GTPBP1: variants seen among roughly 807,000 people sequenced by gnomAD.
GTPBP1 encodes GTP binding protein 1, also known as GTP-binding protein 1.
GTPBP1 carries 23 observed loss-of-function variants against 62.0 expected under a neutral mutation model. The observed-to-expected ratio is 0.37, with a 90% confidence interval of 0.27 to 0.53. The LOEUF (loss-of-function observed/expected upper bound fraction) is 0.53, where lower values mean the gene tolerates loss of function less well. Among genes scored for constraint, GTPBP1 ranks in the 20% least tolerant of loss-of-function variants. The pLI, the probability that GTPBP1 is intolerant of heterozygous loss-of-function variation, is 0.89. For missense variants in GTPBP1, 640 were observed against 917.3 expected (o/e 0.70, Z 3.90); for synonymous variants, 344 against 364.4 (o/e 0.94, Z 0.64).
In GTPBP1 at chr22:38,728,171, G is replaced by C. The variant is rs2092736886; in HGVS notation, c.1716+10G>C. The C allele has an allele frequency of 1.9e-6, 3 of 1,605,498 alleles. No individual in the cohort carries two copies. On this transcript the variant is annotated intron_variant, in intron 10 of 11. Transcript: ENST00000216044. Reference sequence around the variant, plus strand: ...CGGCACCATCACCAAGGTATGGCCAGGACAGACCTTGCCTGCCTCCAGGAA... The same window carrying C: ...CGGCACCATCACCAAGGTATGGCCACGACAGACCTTGCCTGCCTCCAGGAA...
chr22:38,718,435 A>G (rs1301190811), intron 4 of GTPBP1, among the ~76,000 whole-genome samples: 12 of 152,360 alleles, frequency 7.9e-5, no homozygotes, highest in Non-Finnish European at 1.8e-4. Flanking sequence ...ATATTTCATT[A>G]TAGTCCCATG....
At chr22:38,736,464 G>C, downstream of GTPBP1, 2 of 1,157,002 alleles carry the variant, frequency 1.7e-6, no homozygotes, top group Non-Finnish European at 2.4e-6. Flanking sequence ...AGACAGCCTC[G>C]CCTAGGGCCA....
In GTPBP1 at chr22:38,705,979, C is replaced by T. The variant is rs1352189538; in HGVS notation, c.24C>T (p.Ser8=). 3 of 1,447,958 alleles carry T rather than the reference C, an allele frequency of 2.1e-6. No homozygotes were observed. The highest frequency in any genetic ancestry group is 1.5e-5 in the African/African-American group (1 of 68,078). The allele number at this position is 1,447,958 out of a possible 1,614,324, so 89.7% of individuals were successfully genotyped here. A position where few individuals can be genotyped will look rare whatever the true frequency, so the allele number is the denominator to read the frequency against. MATERSR[S]AMDSPVPASM... is the part of the protein sequence containing the mutation. Reference sequence around the variant, plus strand: ...AGATGGCGACGGAGCGCAGTCGCTCCGCGATGGACTCGCCGGTCCCGGCCT... The same window carrying T: ...AGATGGCGACGGAGCGCAGTCGCTCTGCGATGGACTCGCCGGTCCCGGCCT... The change falls in exon 1 of 12, where the codon TCC becomes TCT. Residue 8 remains serine (S), a synonymous_variant. Transcript: ENST00000216044.
downstream of GTPBP1, chr22:38,737,719 C>T (rs931596960): frequency 1.1e-5 from 4 of 362,058 alleles, no homozygotes; most frequent in African/African-American, 8.5e-5. This position sits in a 1 kb window ranked among gnomAD's most constrained non-coding sequence, Gnocchi z 4.1. Context: ...CCCTAAGGAA[C>T]CAGACTCTCC....
downstream of GTPBP1, chr22:38,740,264 C>CA: frequency 1.3e-6 from 2 of 1,569,730 alleles, no homozygotes; most frequent in Non-Finnish European, 1.7e-6. The surrounding 1 kb of genome is among the most constrained non-coding windows in gnomAD (Gnocchi z 4.8). Flanking sequence ...GGTTCCCACT[C>CA]ACGTCGTCCC....
chr22:38,712,723 G>T (rs564711726), intron 2 of GTPBP1, among the ~76,000 whole-genome samples: 1 of 152,240 alleles, frequency 6.6e-6, no homozygotes, highest in East Asian at 1.9e-4. Context: ...ACAAGGTGAC[G>T]TTGGTGATAG....
At chr22:38,723,180 G>A (rs1384091088) in intron 5 of GTPBP1, 4 of 867,290 alleles carry the variant, frequency 4.6e-6, no homozygotes, top group Non-Finnish European at 7.9e-6. Context: ...GTTTCTGTAG[G>A]ACCACGAAGG....
chr22:38,717,149 G>A (rs1391324415), intron 4 of GTPBP1, 149 bp downstream of exon 4: 3 of 605,410 alleles, frequency 5.0e-6, no homozygotes, highest in Non-Finnish European at 8.8e-6. Flanking sequence ...GGGGTGCCCA[G>A]TCCTCTGAGT....
At position 38,727,191 on chromosome 22, in the gene GTPBP1, TG is replaced by T; in HGVS notation, c.1402-18del. On this transcript the variant is annotated intron_variant, in intron 8 of 11. Coordinates refer to ENST00000216044, the MANE Select transcript of GTPBP1 (RefSeq NM_004286.5). The surrounding 1 kb of genome is among the most constrained non-coding windows in gnomAD (Gnocchi z 6.5). ...AGAAGGCATAATTGTCCCTGAGGGC[TG>T]GGGCTCCCTCTTTCTTTCAGATCAA... The T allele has an allele frequency of 6.4e-7, 1 of 1,551,936 alleles. No homozygotes were observed. The highest frequency in any genetic ancestry group is 8.7e-7 in the Non-Finnish European group (1 of 1,148,370).
chr22:38,706,143 G>A lies in GTPBP1; in HGVS notation c.188G>A (p.Ser63Asn), dbSNP rs2092602712. 1.6e-6 allele frequency: 2 copies of A among 1,256,648 alleles called. No individual in the cohort carries two copies. The highest frequency in any genetic ancestry group is 6.3e-5 in the East Asian group (2 of 31,640). 77.8% of individuals were successfully genotyped at this position (1,256,648 alleles called of 1,614,324 possible). A position where few individuals can be genotyped will look rare whatever the true frequency, so the allele number is the denominator to read the frequency against. The part of the protein sequence containing the change: ...LNGEPELDLT[S>N]KLVLVSPTSE... Reference sequence around the variant, plus strand: ...GGCGAGCCAGAGCTGGACCTCACCAGCAAGGTAGGCCCGGGCGGCGGCGGC... The same window carrying A: ...GGCGAGCCAGAGCTGGACCTCACCAACAAGGTAGGCCCGGGCGGCGGCGGC... The change falls in exon 1 of 12, where the codon AGC becomes AAC. Residue 63 changes from serine (S) to asparagine (N), a missense_variant. Transcript: ENST00000216044.
At chr22:38,737,828 A>G (rs975499363), downstream of GTPBP1, 10 of 495,000 alleles carry the variant, frequency 2.0e-5, no homozygotes, top group Non-Finnish European at 3.6e-5. This position sits in a 1 kb window ranked among gnomAD's most constrained non-coding sequence, Gnocchi z 4.1. Flanking sequence ...CCAGCTGGCC[A>G]TGGTAGAATG....
chr22:38,738,655 C>G (rs769627673), downstream of GTPBP1: 14 of 1,614,040 alleles, frequency 8.7e-6, no homozygotes, highest in Middle Eastern at 1.6e-4. This position sits in a 1 kb window ranked among gnomAD's most constrained non-coding sequence, Gnocchi z 6.6. Flanking sequence ...GGCACATGCT[C>G]TAAGGTAACG....
In GTPBP1 at chr22:38,730,510, T is replaced by C; in HGVS notation, c.1918-102T>C. ...CTAGGGTGAGGACCACGCAGCCTGC[T>C]CACGCATCTTCCGTCCCTGTCTCCC... On this transcript the variant is annotated intron_variant, in intron 11 of 11. Coordinates refer to ENST00000216044, the MANE Select transcript of GTPBP1 (RefSeq NM_004286.5). This position sits in a 1 kb window ranked among gnomAD's most constrained non-coding sequence, Gnocchi z 5.6. 1.2e-6 allele frequency: 1 copy of C among 809,806 alleles called. No individual in the cohort carries two copies. The highest frequency in any genetic ancestry group is 2.1e-6 in the Non-Finnish European group (1 of 475,504). The allele number at this position is 809,806 out of a possible 1,614,324, so 50.2% of individuals were successfully genotyped here. A position where few individuals can be genotyped will look rare whatever the true frequency, so the allele number is the denominator to read the frequency against.
At position 38,726,144 on chromosome 22, in the gene GTPBP1, C is replaced by T. The variant is rs768588142; in HGVS notation, c.1212C>T (p.Ser404=). 1.6e-5 allele frequency: 26 copies of T among 1,611,902 alleles called. No individual in the cohort carries two copies. The highest frequency in any genetic ancestry group is 6.7e-5 in the East Asian group (3 of 44,812). ...PAEFQIDDTY[S]VPGVGTVVSG... ...AGTTTCAGATTGATGACACCTACTCCGTCCCGGTAAGTGGCTCTGGGCGGG... is the reference window on the plus strand; with the variant it reads ...AGTTTCAGATTGATGACACCTACTCTGTCCCGGTAAGTGGCTCTGGGCGGG... Residue 404 remains serine, a synonymous_variant, in exon 7 of 12, where the codon TCC becomes TCT. Transcript: ENST00000216044. This position sits in a 1 kb window ranked among gnomAD's most constrained non-coding sequence, Gnocchi z 4.1.
chr22:38,740,265 A>T (rs1569296476), downstream of GTPBP1: 1 of 1,571,650 alleles, frequency 6.4e-7, no homozygotes, highest in South Asian at 1.2e-5. The surrounding 1 kb of genome is among the most constrained non-coding windows in gnomAD (Gnocchi z 4.8). Flanking sequence ...GTTCCCACTC[A>T]CGTCGTCCCG....
chr22:38,738,772 C>T, downstream of GTPBP1: 2 of 1,611,532 alleles, frequency 1.2e-6, no homozygotes, highest in Non-Finnish European at 1.7e-6. This position sits in a 1 kb window ranked among gnomAD's most constrained non-coding sequence, Gnocchi z 6.6. Context: ...AGCAGAAAGT[C>T]ATGTCAGGAC....
chr22:38,718,881 A>G (rs2092684908), intron 4 of GTPBP1, among the ~76,000 whole-genome samples: 1 of 152,262 alleles, frequency 6.6e-6, no homozygotes, highest in African/African-American at 2.4e-5. Context: ...TTAAACATTC[A>G]GAAAAGGTGA....
At chr22:38,740,795 C>T (rs1303702158), downstream of GTPBP1, 1 of 609,670 alleles carries the variant, frequency 1.6e-6, no homozygotes, top group Non-Finnish European at 2.9e-6. This position sits in a 1 kb window ranked among gnomAD's most constrained non-coding sequence, Gnocchi z 4.8. Flanking sequence ...ACAGCCTGCC[C>T]CCCGCCCTCA....
At chr22:38,717,408 A>G (rs2145857145) in intron 4 of GTPBP1, among the ~76,000 whole-genome samples, 1 of 152,262 alleles carries the variant, frequency 6.6e-6, no homozygotes, top group Middle Eastern at 3.4e-3. Context: ...AACGGAGAAG[A>G]CAGCCATAGG....
Sources: gnomAD v4.1 joint callset for allele counts (sites outside exome capture counted in the v4.1 genomes callset) on GRCh38, gnomAD v4.1.1 for gene constraint, Gnocchi (gnomAD v3.1) non-coding constraint, MANE v1.5 for transcripts, NCBI Gene and HGNC (gene_info 2026-07-23, HGNC 2026-07-21) for gene names.